DAB1: variants seen among roughly 807,000 people sequenced by gnomAD.
DAB1 encodes DAB adaptor protein 1, also known as disabled homolog 1.
Under a neutral mutation model 64.6 loss-of-function variants are expected in DAB1, and 15 were observed. The ratio of observed to expected loss-of-function variants is 0.23; its 90% CI spans 0.16 to 0.36. DAB1 has a LOEUF of 0.36. DAB1 is among the 10% of genes least tolerant of loss of function. The probability of loss-of-function intolerance (pLI) is 1.00; values close to 1 mark genes in which losing one functional copy is unlikely to be tolerated. For synonymous variants in DAB1, 235 were observed against 251.9 expected, an observed-to-expected ratio of 0.93 and a Z score of 0.64; for missense variants, 596 against 706.7, an observed-to-expected ratio of 0.84 and a Z score of 1.78.
chr1:58,337,044 A>C (rs1162280411), intron 4 of DAB1, among the ~76,000 whole-genome samples: 1 of 152,188 alleles, frequency 6.6e-6, no homozygotes, highest in Admixed American at 6.5e-5. Context: ...GCACTTTGGG[A>C]GGCCAAGGCA....
chr1:58,263,039 G>C (rs965672945), intron 4 of DAB1, among the ~76,000 whole-genome samples: 1 of 152,178 alleles, frequency 6.6e-6, no homozygotes, highest in African/African-American at 2.4e-5. Context: ...TGGAATGCTT[G>C]TTATTGAATA....
At chr1:57,474,106 G>C (rs569903023) in intron 7 of DAB1, among the ~76,000 whole-genome samples, 1 of 152,280 alleles carries the variant, frequency 6.6e-6, no homozygotes, top group East Asian at 1.9e-4. Context: ...GTAGTTACTT[G>C]CTTTTTCTCC....
chr1:57,431,846 G>A (rs1028785340), intron 7 of DAB1, among the ~76,000 whole-genome samples: 4 of 152,154 alleles, frequency 2.6e-5, no homozygotes, highest in African/African-American at 7.2e-5. Flanking sequence ...TGGCTGGGCC[G>A]GGCACAGTGG....
At chr1:57,582,627 G>T (rs1645327315) in intron 7 of DAB1, among the ~76,000 whole-genome samples, 1 of 152,228 alleles carries the variant, frequency 6.6e-6, no homozygotes, top group African/African-American at 2.4e-5. Context: ...CAACTGTTAT[G>T]AGCTGATAGG....
intron 3 of DAB1, among the ~76,000 whole-genome samples, chr1:58,453,945 ACACCTGCTTTCT>A: frequency 6.6e-6 from 1 of 151,896 alleles, no homozygotes; most frequent in South Asian, 2.1e-4. Flanking sequence ...GCTCTCCCTC[ACACCTGCTTTCT>A]CCTGCTTGCA....
chr1:57,549,306 C>T (rs1020077106), intron 7 of DAB1, among the ~76,000 whole-genome samples: 1 of 152,184 alleles, frequency 6.6e-6, no homozygotes, highest in Non-Finnish European at 1.5e-5. Context: ...ATACCTTACA[C>T]AATGTCTGAC....
At position 57,557,277 on chromosome 1, in the gene DAB1, C is replaced by G. The variant is rs373413939; in HGVS notation, n.625+92315G>C. On this transcript the variant is annotated intron_variant and non_coding_transcript_variant, in intron 7 of 20. Coordinates refer to the DAB1 transcript ENST00000485760. ...CTACATCTTTCTCCTGTGCTGGATG[C>G]TTCCTGTCCTTGAATATCAAACTCC... 4.6e-5 allele frequency among the ~76,000 whole-genome samples: 7 copies of G among 152,254 alleles called. No individual in the cohort carries two copies. In the East Asian group the frequency reaches 1.4e-3, roughly 30 times the overall value.
rs572387971 is a variant in DAB1, at chr1:58,362,815, C to T, written n.258-19412G>A. On this transcript the variant is annotated intron_variant and non_coding_transcript_variant, in intron 3 of 20. Coordinates refer to the DAB1 transcript ENST00000485760. ...AGTCCAAGGAGGGGATAGAGTTTGC[C>T]CAAATCACTCTGTGGGAAAAGGCAG... Among the ~76,000 whole-genome samples, 7 of 152,264 alleles carry T rather than the reference C, an allele frequency of 4.6e-5. No homozygotes were observed. The South Asian group carries it at 1.5e-3, about 32-fold the overall frequency.
intron 7 of DAB1, among the ~76,000 whole-genome samples, chr1:57,537,274 G>C (rs1238530658): frequency 6.6e-6 from 1 of 152,192 alleles, no homozygotes; most frequent in Non-Finnish European, 1.5e-5. Flanking sequence ...ACCACCTTGG[G>C]AGCTTTTCCA....
chr1:57,015,311 A>G lies in DAB1; in HGVS notation c.1016T>C (p.Ile339Thr). Residue 339 changes from isoleucine (I) to threonine (T), a missense_variant, in exon 12 of 15, where the codon ATC (isoleucine) becomes ACC (threonine). Ile to Thr is a moderately conservative substitution (Grantham distance 89, BLOSUM62 -1). This residue lies in a region of DAB1 where 377 missense variants were observed against 400.4 expected (regional missense o/e 0.94). Coordinates refer to ENST00000371236, the MANE Select transcript of DAB1 (RefSeq NM_001365792.1). ...VAQVMPGAQPIAWGQPGLFPA... is the reference protein window; with the variant it reads ...VAQVMPGAQPTAWGQPGLFPA... ...AAAGAGACCCGGCTGGCCCCATGCG[A>G]TGGGCTGAGCCCCCGGCATCACCTG... The G allele has an allele frequency of 6.2e-7, 1 of 1,614,068 alleles. No individual in the cohort carries two copies. Among genetic ancestry groups the G allele is most frequent in the South Asian group, 1.1e-5 (1 of 91,076 alleles).
At chr1:58,247,294 A>G (rs1660589452) in intron 4 of DAB1, among the ~76,000 whole-genome samples, 1 of 148,212 alleles carries the variant, frequency 6.7e-6, no homozygotes, top group Non-Finnish European at 1.5e-5. Context: ...AATAAATAAT[A>G]CATGACTGTA....
intron 9 of DAB1, among the ~76,000 whole-genome samples, chr1:57,058,600 A>C (rs1650068611): frequency 6.6e-6 from 1 of 152,218 alleles, no homozygotes; most frequent in Non-Finnish European, 1.5e-5. Flanking sequence ...TCAGTGCAAC[A>C]AAACATTTAG....
At chr1:57,582,561 G>A (rs1397801041) in intron 7 of DAB1, among the ~76,000 whole-genome samples, 2 of 152,158 alleles carry the variant, frequency 1.3e-5, no homozygotes, top group African/African-American at 4.8e-5. Flanking sequence ...ATGAATTTAG[G>A]GAACAGGAGG....
At chr1:58,508,159 A>G (rs1646018797) in intron 2 of DAB1, among the ~76,000 whole-genome samples, 1 of 152,212 alleles carries the variant, frequency 6.6e-6, no homozygotes, top group Non-Finnish European at 1.5e-5. Flanking sequence ...TTCCAAGCTA[A>G]AAGTATTAAA....
chr1:57,674,515 G>A (rs1451051411), intron 6 of DAB1, among the ~76,000 whole-genome samples: 1 of 152,142 alleles, frequency 6.6e-6, no homozygotes, highest in Non-Finnish European at 1.5e-5. Context: ...CAAAGAGTAA[G>A]CTCTGCTCAT....
intron 7 of DAB1, among the ~76,000 whole-genome samples, chr1:57,460,948 A>G (rs56252125): frequency 1.3e-5 from 2 of 152,144 alleles, no homozygotes; most frequent in Non-Finnish European, 2.9e-5. Context: ...GGTTTGTTAC[A>G]TAGGTAAACG....
chr1:57,872,700 T>G (rs974408355), intron 1 of DAB1, among the ~76,000 whole-genome samples: 1 of 151,926 alleles, frequency 6.6e-6, no homozygotes, highest in Non-Finnish European at 1.5e-5. Flanking sequence ...AGGGGTATGG[T>G]CAGTGTTGTG....
At chr1:57,350,430 AC>A (rs2100858058) in intron 1 of DAB1, among the ~76,000 whole-genome samples, 1 of 152,238 alleles carries the variant, frequency 6.6e-6, no homozygotes, top group East Asian at 1.9e-4. Flanking sequence ...GTAGTAACAA[AC>A]CATATGCTAA....
intron 2 of DAB1, among the ~76,000 whole-genome samples, chr1:58,526,761 C>T (rs907065263): frequency 6.6e-5 from 10 of 152,108 alleles, no homozygotes; most frequent in Non-Finnish European, 1.2e-4. Flanking sequence ...TACCTATCAA[C>T]CTGTTTACTC....
Sources: gnomAD v4.1 joint callset for allele counts (sites outside exome capture counted in the v4.1 genomes callset) on GRCh38, gnomAD v4.1.1 for gene constraint, gnomAD v4.1.1 regional missense constraint, MANE v1.5 for transcripts, NCBI Gene and HGNC (gene_info 2026-07-23, HGNC 2026-07-21) for gene names.